Variants in PTPN13 observed in about 807,000 individuals in gnomAD.
The protein encoded by PTPN13 is protein tyrosine phosphatase non-receptor type 13, also known as tyrosine-protein phosphatase non-receptor type 13.
A neutral mutation model predicts 284.0 loss-of-function variants in PTPN13; 191 were observed. The ratio of observed to expected loss-of-function variants is 0.67; its 90% CI spans 0.60 to 0.76. The LOEUF is 0.76. Among genes scored for constraint, PTPN13 ranks in the 30% least tolerant of loss-of-function variants. PTPN13 has a pLI of 0.00. For synonymous variants in PTPN13, 986 were observed against 1,022.3 expected, an observed-to-expected ratio of 0.96 and a Z score of 0.68; for missense variants, 2,797 against 2,939.9, an observed-to-expected ratio of 0.95 and a Z score of 1.12.
intron 1 of PTPN13, chr4:86,595,571 G>C (rs1288298389): frequency 6.4e-6 from 1 of 156,842 alleles, no homozygotes; most frequent in Non-Finnish European, 1.4e-5. Flanking sequence ...GGCCATACAC[G>C]TATATGATCG....
chr4:86,770,354 T>C (rs1739845536), intron 30 of PTPN13, among the ~76,000 whole-genome samples, 155 bp downstream of exon 30: 1 of 152,232 alleles, frequency 6.6e-6, no homozygotes, highest in Admixed American at 6.5e-5. Context: ...TGACAACTTC[T>C]TTGAATGTAT....
In PTPN13 at chr4:86,627,338, A is replaced by G. The variant is rs898823971; in HGVS notation, c.-5-7914A>G. 5.9e-5 allele frequency among the ~76,000 whole-genome samples: 9 copies of G among 152,114 alleles called. No homozygotes were observed. In the South Asian group the frequency reaches 1.9e-3, roughly 31 times the overall value. ...GTATATTTTTACCACAATAAAAAAA[A>G]TGAGAAAAGTTAACTTTTAGAAAAC... On this transcript the variant is annotated intron_variant, in intron 1 of 47. Coordinates refer to ENST00000411767, the MANE Select transcript of PTPN13 (RefSeq NM_080683.3).
At chr4:86,619,230 G>A (rs1024066645) in intron 1 of PTPN13, among the ~76,000 whole-genome samples, 3 of 152,174 alleles carry the variant, frequency 2.0e-5, no homozygotes, top group Non-Finnish European at 4.4e-5. Context: ...TTAATCAGGA[G>A]TAGAAACAAA....
chr4:86,770,826 G>T (rs1259777509), intron 30 of PTPN13, among the ~76,000 whole-genome samples: 1 of 152,052 alleles, frequency 6.6e-6, no homozygotes, highest in African/African-American at 2.4e-5. Context: ...CCAATAAAAG[G>T]AGAAGGCAGA....
chr4:86,596,283 G>C (rs1454476615), intron 1 of PTPN13, among the ~76,000 whole-genome samples: 1 of 152,184 alleles, frequency 6.6e-6, no homozygotes, highest in Non-Finnish European at 1.5e-5. Flanking sequence ...TTACCATTAT[G>C]TAGGTTTATC....
chr4:86,627,923 G>A (rs1722022884), intron 1 of PTPN13, among the ~76,000 whole-genome samples: 1 of 152,032 alleles, frequency 6.6e-6, no homozygotes, highest in African/African-American at 2.4e-5. Flanking sequence ...GTATTCCATT[G>A]TGAGGATATA....
At chr4:86,814,381 T>C in intron 47 of PTPN13, 75 bp from the exon 48 acceptor site, 1 of 962,754 alleles carries the variant, frequency 1.0e-6, no homozygotes, top group South Asian at 1.9e-5. Flanking sequence ...TCACTTCCAA[T>C]AGTGGTATAG....
Position 86,764,733 on chromosome 4 carries a change from T to A in PTPN13, c.4149+9T>A. 6.3e-7 allele frequency: 1 copy of A among 1,595,398 alleles called. No homozygotes were observed. The highest frequency in any genetic ancestry group is 8.5e-7 in the Non-Finnish European group (1 of 1,175,562). ...TGGGGATAAGTGTCACGGTACTGTT[T>A]GACAAGGTTTTCAAATGTTTTCTCT... is the stretch of plus-strand genomic sequence containing the variant. On this transcript the variant is annotated intron_variant, in intron 25 of 47. Coordinates refer to ENST00000411767, the MANE Select transcript of PTPN13 (RefSeq NM_080683.3).
chr4:86,653,308 A>G (rs1238242787), intron 2 of PTPN13, among the ~76,000 whole-genome samples: 2 of 152,046 alleles, frequency 1.3e-5, no homozygotes, highest in African/African-American at 4.8e-5. Flanking sequence ...TCGGATGTTC[A>G]TTGATGTCTG....
intron 40 of PTPN13, among the ~76,000 whole-genome samples, chr4:86,789,871 G>A (rs1174257095): frequency 6.8e-6 from 1 of 146,262 alleles, no homozygotes; most frequent in Non-Finnish European, 1.5e-5. Flanking sequence ...GTAACAGCAA[G>A]ATTTATTGTG....
In PTPN13 at chr4:86,677,378, G is replaced by C. The variant is rs79424151; in HGVS notation, c.294+4835G>C. ...TCACCAGGCTGGAGTGCAGTGGCAC[G>C]ATCTCAGCTCACTGCAACCTCCACC... On this transcript the variant is annotated intron_variant, in intron 3 of 47. Coordinates refer to ENST00000411767, the MANE Select transcript of PTPN13 (RefSeq NM_080683.3). Among the ~76,000 whole-genome samples, 807 of 148,064 alleles carry C rather than the reference G, an allele frequency of 5.5e-3. 21 individuals carry two copies. In the East Asian group the frequency reaches 0.071, roughly 13 times the overall value.
At chr4:86,694,274 T>G (rs1315719048) in intron 6 of PTPN13, among the ~76,000 whole-genome samples, 1 of 151,982 alleles carries the variant, frequency 6.6e-6, no homozygotes, top group Non-Finnish European at 1.5e-5. Flanking sequence ...ATTTATTTTT[T>G]TGAAAGAAAT....
intron 40 of PTPN13, among the ~76,000 whole-genome samples, chr4:86,790,492 C>T (rs1742490857): frequency 6.6e-6 from 1 of 152,092 alleles, no homozygotes; most frequent in Non-Finnish European, 1.5e-5. Context: ...TATGTAATTA[C>T]AAGTTGTGTT....
chr4:86,804,573 A>C (rs1334076368), intron 43 of PTPN13, among the ~76,000 whole-genome samples: 1 of 152,204 alleles, frequency 6.6e-6, no homozygotes, highest in African/African-American at 2.4e-5. Flanking sequence ...TCTTAGATTT[A>C]AATGTCACCA....
chr4:86,774,563 G>A (rs1329268402), intron 33 of PTPN13, 32 bp downstream of exon 33: 2 of 1,549,222 alleles, frequency 1.3e-6, no homozygotes, highest in African/African-American at 1.4e-5. Flanking sequence ...GATTATTTGT[G>A]TAAATGTAGA....
chr4:86,750,902 A>G lies in PTPN13; in HGVS notation c.3068+15A>G, dbSNP rs1407237562. On this transcript the variant is annotated intron_variant, in intron 18 of 47. Transcript: ENST00000411767. ...AAACTTAATAAGTAAGAACATATTA[A>G]CTAACCCAATTACATATTTGTAAAT... 1.2e-6 allele frequency: 2 copies of G among 1,604,294 alleles called. No individual in the cohort carries two copies. The highest frequency in any genetic ancestry group is 3.4e-5 in the Admixed American group (2 of 58,758).
chr4:86,804,506 A>G (rs529945734), intron 43 of PTPN13, among the ~76,000 whole-genome samples: 1 of 152,348 alleles, frequency 6.6e-6, no homozygotes, highest in South Asian at 2.1e-4. Flanking sequence ...TGAGGCTCAC[A>G]GTAATTAAGG....
chr4:86,771,285 A>G lies in PTPN13; in HGVS notation c.4918A>G (p.Lys1640Glu), dbSNP rs1434104470. The G allele has an allele frequency of 1.2e-6, 2 of 1,606,000 alleles. No homozygotes were observed. Among genetic ancestry groups the G allele is most frequent in the Middle Eastern group, 1.7e-4 (1 of 6,052 alleles). ...SDENEMSDKS[K>E]KQCKSPSRRD... ...TGAAAATGAAATGTCAGACAAAAGCAAAAAACAGTGCAAGTCCCCATCCAG... is the reference window on the plus strand; with the variant it reads ...TGAAAATGAAATGTCAGACAAAAGCGAAAAACAGTGCAAGTCCCCATCCAG... The change falls in exon 31 of 48, where the codon AAA becomes GAA. Residue 1640 changes from lysine (K) to glutamate (E), a missense_variant. Physicochemically the swap from Lys to Glu is moderately conservative, Grantham distance 56. Coordinates refer to ENST00000411767, the MANE Select transcript of PTPN13 (RefSeq NM_080683.3).
chr4:86,701,395 T>C lies in PTPN13; in HGVS notation c.789T>C (p.Ser263=). 1 of 1,613,634 alleles carries C rather than the reference T, an allele frequency of 6.2e-7. No homozygotes were observed. Among genetic ancestry groups the C allele is most frequent in the Non-Finnish European group, 8.5e-7 (1 of 1,179,676 alleles). ...NYFKDILSDN[S]GREDSENTFS... is the part of the protein sequence containing the mutation. ...TCAAGGACATTTTATCAGATAATTC[T>C]GGACGTGAAGATTCTGAAAATACAT... The change falls in exon 7 of 48, where the codon TCT becomes TCC. Residue 263 remains serine, a synonymous_variant. Coordinates refer to ENST00000411767, the MANE Select transcript of PTPN13 (RefSeq NM_080683.3).
Sources: gnomAD v4.1 joint callset for allele counts (sites outside exome capture counted in the v4.1 genomes callset) on GRCh38, gnomAD v4.1.1 for gene constraint, MANE v1.5 for transcripts, NCBI Gene and HGNC (gene_info 2026-07-23, HGNC 2026-07-21) for gene names.